The following TENM2 variants were observed in gnomAD, a reference collection of about 807,000 sequenced individuals.
TENM2 encodes the protein teneurin transmembrane protein 2, also known as teneurin-2.
In TENM2, 52 loss-of-function variants were observed where a neutral mutation model predicts 245.2. That is an observed-to-expected ratio of 0.21 (90% confidence interval 0.17 to 0.27). The LOEUF (loss-of-function observed/expected upper bound fraction) is 0.27. Among genes scored for constraint, TENM2 ranks in the 10% least tolerant of loss-of-function variants. The pLI is 1.00. For synonymous variants in TENM2, 1,363 were observed against 1,438.9 expected, an observed-to-expected ratio of 0.95 and a Z score of 1.19; for missense variants, 3,046 against 3,666.8, an observed-to-expected ratio of 0.83 and a Z score of 4.37.
At chr5:167,320,889 T>A (rs1326548127) in intron 1 of TENM2, among the ~76,000 whole-genome samples, 1 of 152,172 alleles carries the variant, frequency 6.6e-6, no homozygotes, top group African/African-American at 2.4e-5. Flanking sequence ...TTCAAATCTT[T>A]GTTTTCAAGT....
the TENM2 span, among the ~76,000 whole-genome samples, chr5:167,253,735 G>A: frequency 9.2e-5 from 14 of 151,806 alleles, no homozygotes; most frequent in Non-Finnish European, 1.5e-4. Flanking sequence ...TTCTGTGATC[G>A]TGCAGTATTA....
chr5:167,883,099 T>G (rs967324259), intron 3 of TENM2, among the ~76,000 whole-genome samples: 7 of 152,196 alleles, frequency 4.6e-5, no homozygotes, highest in African/African-American at 1.7e-4. Flanking sequence ...ATGCAAAAGT[T>G]GAGAAGAGTG....
the TENM2 span, among the ~76,000 whole-genome samples, chr5:167,265,165 A>G: frequency 6.6e-6 from 1 of 151,658 alleles, no homozygotes; most frequent in South Asian, 2.1e-4. Flanking sequence ...GTCTCTACTA[A>G]AAATACAAAA....
intron 4 of TENM2, among the ~76,000 whole-genome samples, chr5:167,972,892 A>G (rs1377203499): frequency 6.6e-6 from 1 of 152,226 alleles, no homozygotes; most frequent in Non-Finnish European, 1.5e-5. Flanking sequence ...CTGCAGGGGA[A>G]AATCTGACTC....
chr5:167,689,218 G>C (rs1757268267), intron 2 of TENM2, among the ~76,000 whole-genome samples: 1 of 152,208 alleles, frequency 6.6e-6, no homozygotes, highest in African/African-American at 2.4e-5. Flanking sequence ...TGAAGGGAGA[G>C]TGGGAAGGAA....
At chr5:167,444,298 TACACACAC>T (rs140953889) in intron 2 of TENM2, among the ~76,000 whole-genome samples, 30,254 of 150,454 alleles carry the variant, frequency 0.2, 3,522 homozygotes, top group East Asian at 0.27. Flanking sequence ...CACATACACA[TACACACAC>T]ACACACACAC....
At chr5:167,705,582 G>A (rs1758450159) in intron 2 of TENM2, among the ~76,000 whole-genome samples, 1 of 152,126 alleles carries the variant, frequency 6.6e-6, no homozygotes, top group Admixed American at 6.6e-5. Context: ...TGGCTGTGGT[G>A]GGGAGGGGAA....
the TENM2 span, among the ~76,000 whole-genome samples, chr5:167,053,186 G>A: frequency 6.6e-6 from 1 of 152,020 alleles, no homozygotes; most frequent in Non-Finnish European, 1.5e-5. Flanking sequence ...GAAGTATTTT[G>A]TCCAGTATTG....
intron 1 of TENM2, among the ~76,000 whole-genome samples, chr5:167,368,240 G>T (rs549108016): frequency 7.2e-5 from 11 of 151,762 alleles, no homozygotes; most frequent in Non-Finnish European, 8.8e-5. Flanking sequence ...GGCATATTTT[G>T]CATAGTTCAG....
the TENM2 span, among the ~76,000 whole-genome samples, chr5:167,121,650 G>T: frequency 6.6e-6 from 1 of 152,186 alleles, no homozygotes; most frequent in African/African-American, 2.4e-5. Flanking sequence ...AAGTGAGGGG[G>T]CTAGAACCTC....
intron 7 of TENM2, among the ~76,000 whole-genome samples, chr5:168,071,983 G>T (rs914657104): frequency 6.6e-6 from 1 of 152,178 alleles, no homozygotes; most frequent in African/African-American, 2.4e-5. Flanking sequence ...GAGAAGCTGC[G>T]CAGTGCCTGT....
chr5:167,459,888 G>A (rs116521870), intron 2 of TENM2, among the ~76,000 whole-genome samples: 2 of 150,098 alleles, frequency 1.3e-5, no homozygotes, highest in African/African-American at 2.5e-5. Context: ...AGACCATTCT[G>A]CATTTCCTTG....
the TENM2 span, among the ~76,000 whole-genome samples, chr5:167,112,252 C>T: frequency 4.6e-5 from 7 of 152,322 alleles, no homozygotes; most frequent in African/African-American, 1.2e-4. Context: ...TGAATACCAC[C>T]GTATTTCTCC....
intron 13 of TENM2, among the ~76,000 whole-genome samples, chr5:168,170,836 G>A (rs368891017): frequency 6.6e-5 from 10 of 152,302 alleles, no homozygotes; most frequent in Admixed American, 2.0e-4. Flanking sequence ...CTAATACATT[G>A]TAAATCTCAT....
Position 168,034,961 on chromosome 5 carries a change from C to G in TENM2, c.1187-12466C>G, listed in dbSNP as rs193281865. Reference sequence around the variant, plus strand: ...TCAAATGATATAAAATACTTTCATTCAGCACATTTTTATTGTTTTTGCAAG... The same window carrying G: ...TCAAATGATATAAAATACTTTCATTGAGCACATTTTTATTGTTTTTGCAAG... On this transcript the variant is annotated intron_variant, in intron 5 of 28. Coordinates refer to ENST00000518659, the Ensembl canonical transcript of TENM2. 2.6e-5 allele frequency among the ~76,000 whole-genome samples: 4 copies of G among 152,234 alleles called. No homozygotes were observed. The East Asian group carries it at 7.7e-4, about 29-fold the overall frequency.
intron 2 of TENM2, among the ~76,000 whole-genome samples, chr5:167,612,295 G>A (rs923558475): frequency 3.9e-5 from 6 of 152,018 alleles, no homozygotes; most frequent in Admixed American, 3.9e-4. Flanking sequence ...TCTACCTGTA[G>A]CGAGGACAGT....
intron 1 of TENM2, among the ~76,000 whole-genome samples, chr5:167,285,582 A>T (rs774047943): frequency 2.0e-5 from 3 of 152,096 alleles, no homozygotes; most frequent in Non-Finnish European, 4.4e-5. Context: ...TGGGAGGAGA[A>T]TATTTTTCTC....
intron 5 of TENM2, among the ~76,000 whole-genome samples, chr5:168,042,141 A>G (rs1282992315): frequency 6.6e-6 from 1 of 152,098 alleles, no homozygotes; most frequent in Non-Finnish European, 1.5e-5. Flanking sequence ...GAGCTCTGCC[A>G]TCATCTCTAA....
intron 23 of TENM2, among the ~76,000 whole-genome samples, chr5:168,221,354 A>T (rs1937901779): frequency 6.6e-6 from 1 of 152,192 alleles, no homozygotes; most frequent in Admixed American, 6.5e-5. Flanking sequence ...TTGATAAAGA[A>T]ACTGAGGCTC....
Sources: allele counts gnomAD v4.1 joint callset (sites outside exome capture counted in the v4.1 genomes callset), GRCh38; gene constraint gnomAD v4.1.1; transcripts MANE v1.5; gene names NCBI Gene and HGNC (gene_info 2026-07-23, HGNC 2026-07-21).